The following ELSPBP1 variants were observed in gnomAD, a reference collection of about 807,000 sequenced individuals.
The protein encoded by ELSPBP1 is epididymal sperm binding protein 1.
Under a neutral mutation model 33.3 loss-of-function variants are expected in ELSPBP1, and 38 were observed. That is an observed-to-expected ratio of 1.14 (90% confidence interval 0.88 to 1.50). ELSPBP1 has a LOEUF of 1.50. Ranked by LOEUF, ELSPBP1 falls within the 40% of genes most tolerant of loss-of-function variation. The probability of loss-of-function intolerance (pLI) is 0.00; values close to 1 mark genes in which losing one functional copy is unlikely to be tolerated. For missense variants in ELSPBP1, 267 were observed against 263.5 expected (o/e 1.01, Z -0.09); for synonymous variants, 85 against 94.1 (o/e 0.90, Z 0.56).
chr19:48,001,744 G>C (rs1966970390), intron 1 of ELSPBP1, among the ~76,000 whole-genome samples: 1 of 151,574 alleles, frequency 6.6e-6, no homozygotes, highest in Non-Finnish European at 1.5e-5. Context: ...TGTAGATAGG[G>C]GTCTCACTGT....
intron 2 of ELSPBP1, 24 bp from the exon 3 acceptor site, chr19:48,014,147 C>T (rs1265158318): frequency 8.1e-6 from 13 of 1,609,850 alleles, no homozygotes; most frequent in Non-Finnish European, 1.1e-5. Context: ...TTCCCCACTC[C>T]TGTTTTCTCC....
At position 47,997,252 on chromosome 19, in the gene ELSPBP1, CATT is replaced by C. The variant is rs1191712174; in HGVS notation, c.-18+2442_-18+2444del. Among the ~76,000 whole-genome samples, 7 of 152,310 alleles carry C rather than the reference CATT, an allele frequency of 4.6e-5. No homozygotes were observed. The East Asian group carries it at 1.2e-3, about 25-fold the overall frequency. On this transcript the variant is annotated intron_variant, in intron 1 of 6. Transcript: ENST00000339841. Reference sequence around the variant, plus strand: ...TAATCCATTCCTAAGACAGCCATCTCATTGTTGCAGATTTTTCATTTTGTGATT... The same window carrying C: ...TAATCCATTCCTAAGACAGCCATCTCGTTGCAGATTTTTCATTTTGTGATT...
At position 48,019,856 on chromosome 19, in the gene ELSPBP1, T is replaced by C. The variant is rs758184089; in HGVS notation, c.493T>C (p.Trp165Arg). ...AGAGAACATGGATAAGGATGGAAAG[T>C]GGAGTTTCTGTGCCGACACCAGTAA... ...TTENMDKDGK[W>R]SFCADTRISA... Residue 165 changes from tryptophan to arginine, a missense_variant, in exon 5 of 7, where the codon TGG becomes CGG. Coordinates refer to ENST00000339841, the MANE Select transcript of ELSPBP1 (RefSeq NM_022142.5). 6.8e-6 allele frequency: 11 copies of C among 1,609,750 alleles called. No individual in the cohort carries two copies. Among genetic ancestry groups the C allele is most frequent in the Non-Finnish European group, 8.5e-6 (10 of 1,178,124 alleles).
intron 1 of ELSPBP1, among the ~76,000 whole-genome samples, chr19:47,999,235 T>C (rs544559782): frequency 3.0e-4 from 46 of 152,344 alleles, no homozygotes; most frequent in African/African-American, 1.1e-3. Flanking sequence ...ATTTTGGTTT[T>C]GGTTACTGTG....
At chr19:47,996,757 C>A (rs888161822) in intron 1 of ELSPBP1, among the ~76,000 whole-genome samples, 1 of 152,054 alleles carries the variant, frequency 6.6e-6, no homozygotes, top group Non-Finnish European at 1.5e-5. Flanking sequence ...GAAAAAATTT[C>A]TCAGAAGGTA....
Position 48,019,834 on chromosome 19 carries a change from G to C in ELSPBP1, c.471G>C (p.Glu157Asp), listed in dbSNP as rs753346839. The C allele has an allele frequency of 1.3e-6, 2 of 1,593,734 alleles. No individual in the cohort carries two copies. The highest frequency in any genetic ancestry group is 1.1e-5 in the South Asian group (1 of 90,852). Residue 157 changes from glutamate (E) to aspartate (D), a missense_variant, in exon 5 of 7, where the codon GAG becomes GAC. Physicochemically the swap from Glu to Asp is conservative, Grantham distance 45 (BLOSUM62 2). Coordinates refer to ENST00000339841, the MANE Select transcript of ELSPBP1 (RefSeq NM_022142.5). The stretch of plus-strand genomic sequence containing the variant: ...ACAAGCTCTGGTGCCCAACCACAGA[G>C]AACATGGATAAGGATGGAAAGTGGA... ...ESNKLWCPTT[E>D]NMDKDGKWSF...
At chr19:48,019,467 T>G (rs1194955434) in intron 4 of ELSPBP1, among the ~76,000 whole-genome samples, 1 of 152,144 alleles carries the variant, frequency 6.6e-6, no homozygotes, top group Non-Finnish European at 1.5e-5. Context: ...CCTAGCTTAG[T>G]AGAGTCAAGG....
chr19:48,023,532 G>GAAGGAAGGAAGAAAGGAAGGAAGA (rs1555736363), intron 6 of ELSPBP1, among the ~76,000 whole-genome samples: 1 of 108,050 alleles, frequency 9.3e-6, no homozygotes. Context: ...AGGAAGGGAG[G>GAAGGAAGGAAGAAAGGAAGGAAGA]AAGGAAAGAA....
In ELSPBP1 at chr19:48,016,016, A is replaced by G. The variant is rs777640815; in HGVS notation, c.332A>G (p.Gln111Arg). The G allele has an allele frequency of 6.2e-7, 1 of 1,613,718 alleles. No homozygotes were observed. Among genetic ancestry groups the G allele is most frequent in the Non-Finnish European group, 8.5e-7 (1 of 1,179,930 alleles). The part of the protein sequence containing the change: ...SVTSVFDEKQ[Q>R]WKFCETNEYG... ...ACCTCTGTCTTCGATGAGAAACAGC[A>G]GTGGAAATTCTGTGAAACGAATGGT... Residue 111 changes from glutamine (Q) to arginine (R), a missense_variant, in exon 4 of 7, where the codon CAG (glutamine) becomes CGG (arginine). Coordinates refer to ENST00000339841, the MANE Select transcript of ELSPBP1 (RefSeq NM_022142.5).
At chr19:48,024,615 G>A (rs754122414) in intron 6 of ELSPBP1, among the ~76,000 whole-genome samples, 1 of 152,158 alleles carries the variant, frequency 6.6e-6, no homozygotes, top group Non-Finnish European at 1.5e-5. Flanking sequence ...CATCTTAACA[G>A]GGTAGATATT....
intron 1 of ELSPBP1, among the ~76,000 whole-genome samples, chr19:47,995,782 A>G (rs1340027914): frequency 2.0e-5 from 3 of 152,330 alleles, no homozygotes; most frequent in South Asian, 2.1e-4. Flanking sequence ...ACAGATAGGA[A>G]TACTGACTTG....
chr19:48,017,180 T>C (rs923296520), intron 4 of ELSPBP1, among the ~76,000 whole-genome samples: 2 of 152,234 alleles, frequency 1.3e-5, no homozygotes, highest in East Asian at 1.9e-4. Flanking sequence ...CCAAAGCCCA[T>C]GCTCTCTCCT....
At chr19:48,005,459 G>C (rs1191539239) in intron 1 of ELSPBP1, among the ~76,000 whole-genome samples, 1 of 152,094 alleles carries the variant, frequency 6.6e-6, no homozygotes, top group African/African-American at 2.4e-5. Flanking sequence ...ATCTACACTG[G>C]GGGCTACAAC....
At chr19:48,019,696 A>G in intron 4 of ELSPBP1, 23 bp from the exon 5 acceptor site, 1 of 1,609,666 alleles carries the variant, frequency 6.2e-7, no homozygotes, top group Non-Finnish European at 8.5e-7. Flanking sequence ...CTTGACCCGT[A>G]ACCTTTCCAT....
chr19:47,998,809 C>T (rs1412974015), intron 1 of ELSPBP1, among the ~76,000 whole-genome samples: 1 of 140,858 alleles, frequency 7.1e-6, no homozygotes, highest in Non-Finnish European at 1.5e-5. Flanking sequence ...AAAAAAAATG[C>T]AGAGTCCAAC....
chr19:48,002,363 T>G (rs1396841176), intron 1 of ELSPBP1, among the ~76,000 whole-genome samples: 1 of 152,196 alleles, frequency 6.6e-6, no homozygotes, highest in Non-Finnish European at 1.5e-5. Flanking sequence ...AGCTTGAGGT[T>G]AATGAACCAA....
At chr19:48,010,384 G>A (rs1046967478) in intron 2 of ELSPBP1, among the ~76,000 whole-genome samples, 11 of 152,072 alleles carry the variant, frequency 7.2e-5, no homozygotes, top group East Asian at 1.9e-4. Flanking sequence ...TTCCCTTTGC[G>A]TGTATTTACA....
At chr19:48,019,992 T>G in intron 5 of ELSPBP1, 115 bp downstream of exon 5, 1 of 1,081,676 alleles carries the variant, frequency 9.2e-7, no homozygotes, top group Admixed American at 2.8e-5. Flanking sequence ...ACTGAGGATC[T>G]GGTGATGAAT....
At chr19:48,018,896 G>A (rs964578411) in intron 4 of ELSPBP1, among the ~76,000 whole-genome samples, 2 of 152,198 alleles carry the variant, frequency 1.3e-5, no homozygotes, top group Admixed American at 6.5e-5. Flanking sequence ...GCTCATGCCT[G>A]TAATCCCAGC....
Sources: gnomAD v4.1 joint callset for allele counts (sites outside exome capture counted in the v4.1 genomes callset) on GRCh38, gnomAD v4.1.1 for gene constraint, MANE v1.5 for transcripts, NCBI Gene and HGNC (gene_info 2026-07-23, HGNC 2026-07-21) for gene names.